The following CXXC5 variants were observed in gnomAD, a reference collection of about 807,000 sequenced individuals.
The protein encoded by CXXC5 is CXXC finger protein 5.
Under a neutral mutation model 17.6 loss-of-function variants are expected in CXXC5, and 2 were observed. The observed-to-expected ratio is 0.11, with a 90% CI of 0.05 to 0.36. The LOEUF (loss-of-function observed/expected upper bound fraction) is 0.36, where lower values mean the gene tolerates loss of function less well. Among genes scored for constraint, CXXC5 ranks in the 10% least tolerant of loss-of-function variants. CXXC5 has a pLI of 1.00. For missense variants in CXXC5, 343 were observed against 458.3 expected (o/e 0.75, Z 2.30); for synonymous variants, 171 against 193.0 (o/e 0.89, Z 0.94).
At chr5:139,652,151 C>T (rs1380594000) in intron 1 of CXXC5, among the ~76,000 whole-genome samples, 1 of 66,880 alleles carries the variant, frequency 1.5e-5, no homozygotes, top group African/African-American at 8.2e-5. Flanking sequence ...GCCGCCGGCG[C>T]GCGCGCGCGC....
intron 1 of CXXC5, chr5:139,651,092 G>C (rs1755149378): frequency 6.6e-6 from 1 of 152,400 alleles, no homozygotes; most frequent in Non-Finnish European, 1.5e-5. Context: ...CCTCATCCTC[G>C]CAGTAGCTGG....
In CXXC5 at chr5:139,682,876, C is replaced by T. The variant is rs760927108; in HGVS notation, c.938C>T (p.Pro313Leu). The T allele has an allele frequency of 1.3e-6, 2 of 1,594,554 alleles. No homozygotes were observed. The highest frequency in any genetic ancestry group is 1.7e-6 in the Non-Finnish European group (2 of 1,170,402). ...PSAALEKVML[P>L]TGAAFRWFQ ...CGCCCCCGCCAGAAGGTGATGCTTC[C>T]GACGGGAGCCGCCTTCCGGTGGTTT... is the stretch of plus-strand genomic sequence containing the variant. The change falls in exon 3 of 3, where the codon CCG becomes CTG. Residue 313 changes from proline (P) to leucine (L), a missense_variant. By Grantham distance (98) the Pro-to-Leu change is moderately conservative (BLOSUM62 -3). Coordinates refer to ENST00000302517, the MANE Select transcript of CXXC5 (RefSeq NM_016463.9).
At chr5:139,679,430 G>T (rs1757054743) in intron 1 of CXXC5, among the ~76,000 whole-genome samples, 1 of 152,240 alleles carries the variant, frequency 6.6e-6, no homozygotes, top group Admixed American at 6.5e-5. Context: ...CCCTGTAGCA[G>T]GCGGGGAGAA....
intron 1 of CXXC5, among the ~76,000 whole-genome samples, chr5:139,666,142 G>A (rs1756099194): frequency 6.6e-6 from 1 of 152,198 alleles, no homozygotes; most frequent in South Asian, 2.1e-4. Context: ...TCTCAGCAGT[G>A]TCCTCCAGCA....
chr5:139,667,687 C>CT (rs1263038462), intron 1 of CXXC5, among the ~76,000 whole-genome samples: 3 of 152,030 alleles, frequency 2.0e-5, no homozygotes, highest in African/African-American at 4.8e-5. Flanking sequence ...CTCTTAAGAG[C>CT]TTGGGGGTTT....
At chr5:139,681,578 G>T in intron 2 of CXXC5, 131 bp downstream of exon 2, 1 of 1,164,940 alleles carries the variant, frequency 8.6e-7, no homozygotes, top group Non-Finnish European at 1.2e-6. Flanking sequence ...AGTCCTTGGG[G>T]CCTGGGGGTC....
intron 2 of CXXC5, 129 bp from the exon 3 acceptor site, chr5:139,682,734 A>T (rs1757316575): frequency 5.2e-6 from 5 of 952,848 alleles, no homozygotes. Flanking sequence ...AGGAGCTCCG[A>T]GGGGTGGCTG....
intron 1 of CXXC5, among the ~76,000 whole-genome samples, chr5:139,662,750 C>T (rs1287058307): frequency 6.6e-6 from 1 of 152,208 alleles, no homozygotes; most frequent in Non-Finnish European, 1.5e-5. Context: ...GTGCCGCGGA[C>T]TCTGGAGTTG....
chr5:139,681,441 T>C lies in CXXC5; in HGVS notation c.918T>C (p.Ala306=), dbSNP rs1757230024. Residue 306 remains alanine (A), a synonymous_variant, in exon 2 of 3, where the codon GCT becomes GCC. Transcript: ENST00000302517. The part of the protein sequence containing the change: ...CEELKKKPSA[A]LEKVMLPTGA... ...AACTCAAAAAGAAGCCTTCCGCTGC[T>C]CTGGAGGTAACGGCGCCTTAGAGGG... The C allele has an allele frequency of 1.1e-5, 17 of 1,569,476 alleles. No individual in the cohort carries two copies. Among genetic ancestry groups the C allele is most frequent in the Non-Finnish European group, 1.4e-5 (16 of 1,154,408 alleles).
chr5:139,653,714 A>G (rs1432702339), intron 1 of CXXC5, among the ~76,000 whole-genome samples: 1 of 152,142 alleles, frequency 6.6e-6, no homozygotes, highest in East Asian at 1.9e-4. Context: ...GCCAGGCCAC[A>G]TCTTGGGGTG....
At chr5:139,655,056 C>T (rs1281718721) in intron 1 of CXXC5, among the ~76,000 whole-genome samples, 51 of 152,284 alleles carry the variant, frequency 3.3e-4, no homozygotes, top group Non-Finnish European at 4.4e-5. Flanking sequence ...GCCGTGGCAG[C>T]GGCTGTGTTG....
chr5:139,664,142 T>A (rs908100659), intron 1 of CXXC5, among the ~76,000 whole-genome samples: 3 of 152,122 alleles, frequency 2.0e-5, no homozygotes. Flanking sequence ...GGTTTGAACC[T>A]AAGAGCATTG....
intron 1 of CXXC5, among the ~76,000 whole-genome samples, chr5:139,664,796 C>T (rs573883207): frequency 5.1e-4 from 78 of 152,304 alleles, no homozygotes; most frequent in Non-Finnish European, 9.9e-4. Flanking sequence ...GCCTTCTTTT[C>T]AGCCTCACCT....
chr5:139,677,849 C>G (rs1462262041), intron 1 of CXXC5, among the ~76,000 whole-genome samples: 2 of 152,380 alleles, frequency 1.3e-5, no homozygotes, highest in Middle Eastern at 3.4e-3. Context: ...AGAGCGCCAG[C>G]CCTGAGCGCA....
chr5:139,681,336 G>A lies in CXXC5; in HGVS notation c.813G>A (p.Arg271=). Residue 271 remains arginine, a synonymous_variant, in exon 2 of 3, where the codon CGG becomes CGA. Transcript: ENST00000302517. ...GCGGCATGTGCGCGCCCTGCCGGCG[G>A]CGCATCAACTGCGAGCAGTGCAGCA... ...KRCGMCAPCR[R]RINCEQCSSC... 6.2e-7 allele frequency: 1 copy of A among 1,612,546 alleles called. No individual in the cohort carries two copies. Among genetic ancestry groups the A allele is most frequent in the Non-Finnish European group, 8.5e-7 (1 of 1,179,670 alleles).
intron 1 of CXXC5, chr5:139,649,658 T>C (rs897505378): frequency 2.6e-5 from 4 of 152,280 alleles, no homozygotes; most frequent in African/African-American, 9.7e-5. Flanking sequence ...TTCCCAGCCT[T>C]GGGGAGTCTT....
chr5:139,670,782 C>G lies in CXXC5; in HGVS notation c.-160-9582C>G, dbSNP rs797003056. Among the ~76,000 whole-genome samples the G allele has an allele frequency of 3.9e-5, 6 of 152,336 alleles. No homozygotes were observed. The highest frequency in any genetic ancestry group is 1.4e-4 in the African/African-American group (6 of 41,560). On this transcript the variant is annotated intron_variant, in intron 1 of 2. Coordinates refer to ENST00000302517, the MANE Select transcript of CXXC5 (RefSeq NM_016463.9). This position sits in a 1 kb window ranked among gnomAD's most constrained non-coding sequence, Gnocchi z 4.2. ...ACAGAGTCAAAGATCTCCCCCAGCA[C>G]TGCTACATGATCCCCATATATGCTT...
Position 139,668,479 on chromosome 5 carries a change from C to A in CXXC5, c.-160-11885C>A, listed in dbSNP as rs1201812650. Among the ~76,000 whole-genome samples, 1 of 151,398 alleles carries A rather than the reference C, an allele frequency of 6.6e-6. No homozygotes were observed. The highest frequency in any genetic ancestry group is 2.4e-5 in the African/African-American group (1 of 41,402). ...CGGCTACCTCCCGCGCCGCCCACTG[C>A]CCGCTCCAGGCCCGCTGCCCGCTCC... On this transcript the variant is annotated intron_variant, in intron 1 of 2. Transcript: ENST00000302517. This position sits in a 1 kb window ranked among gnomAD's most constrained non-coding sequence, Gnocchi z 4.1.
intron 1 of CXXC5, among the ~76,000 whole-genome samples, chr5:139,675,767 G>A (rs143069534): frequency 3.3e-5 from 5 of 152,272 alleles, no homozygotes; most frequent in African/African-American, 1.2e-4. Context: ...TCTGTCTCCC[G>A]GGGTTCTGGG....
Sources: allele counts gnomAD v4.1 joint callset (sites outside exome capture counted in the v4.1 genomes callset), GRCh38; gene constraint gnomAD v4.1.1; non-coding constraint Gnocchi (gnomAD v3.1); transcripts MANE v1.5; gene names NCBI Gene and HGNC (gene_info 2026-07-23, HGNC 2026-07-21).